The following GMPS variants were observed in gnomAD, a reference collection of about 807,000 sequenced individuals.
The protein encoded by GMPS is guanosine monophosphate synthase.
GMPS carries 15 observed loss-of-function variants against 77.9 expected under a neutral mutation model. That is an observed-to-expected ratio of 0.19 (90% CI 0.13 to 0.30). The LOEUF (loss-of-function observed/expected upper bound fraction) is 0.30, where lower values mean the gene tolerates loss of function less well. Among genes scored for constraint, GMPS ranks in the 10% least tolerant of loss-of-function variants. The pLI is 1.00. For missense variants in GMPS, 590 were observed against 838.8 expected (o/e 0.70, Z 3.66); for synonymous variants, 224 against 275.9 (o/e 0.81, Z 1.86).
chr3:155,883,646 A>T lies in GMPS; in HGVS notation c.28-9872A>T, dbSNP rs1434644192. Reference sequence around the variant, plus strand: ...TTTCATTTCTTCGCTTCTTTGCAAGATGCCTTTGGTTCTTCATGCAAACAG... The same window carrying T: ...TTTCATTTCTTCGCTTCTTTGCAAGTTGCCTTTGGTTCTTCATGCAAACAG... On this transcript the variant is annotated intron_variant, in intron 1 of 15. Transcript: ENST00000496455. 4.6e-5 allele frequency among the ~76,000 whole-genome samples: 7 copies of T among 152,196 alleles called. No homozygotes were observed. In the East Asian group the frequency reaches 1.2e-3, roughly 25 times the overall value.
chr3:155,879,730 C>CTTTTTTTTTT (rs58045835), intron 1 of GMPS, among the ~76,000 whole-genome samples: 2 of 107,634 alleles, frequency 1.9e-5, no homozygotes, highest in Non-Finnish European at 1.7e-5. Context: ...CTTTTTTGCC[C>CTTTTTTTTTT]TTTTTTTTTT....
rs1755815768 is a variant in GMPS at position 155,938,478 on chromosome 3, A to G, written c.*786A>G. ...CAGCCTTGCATAGAAAGTTTCTGTT[A>G]TCTCCTTAGAAGAAACTGGCTCAAT... On this transcript the variant is annotated 3_prime_UTR_variant, in exon 16 of 16. Coordinates refer to ENST00000496455, the MANE Select transcript of GMPS (RefSeq NM_003875.3). 2 of 211,010 alleles carry G rather than the reference A, an allele frequency of 9.5e-6. No individual in the cohort carries two copies. Among genetic ancestry groups the G allele is most frequent in the South Asian group, 1.9e-4 (1 of 5,356 alleles). 13.1% of individuals were successfully genotyped at this position (211,010 alleles called of 1,614,324 possible).
rs1258165954 is a variant in GMPS, at chr3:155,938,273, T to G, written c.*581T>G. On this transcript the variant is annotated 3_prime_UTR_variant, in exon 16 of 16. Coordinates refer to ENST00000496455, the MANE Select transcript of GMPS (RefSeq NM_003875.3). The stretch of plus-strand genomic sequence containing the variant: ...TGGAAAAGCACCAGGAATTTGTTGA[T>G]GTACTTTTGAATTTTATTTCACAGC... The G allele has an allele frequency of 4.5e-6, 1 of 220,224 alleles. No individual in the cohort carries two copies. The highest frequency in any genetic ancestry group is 9.1e-6 in the Non-Finnish European group (1 of 109,894). The allele number at this position is 220,224 out of a possible 1,614,324, so 13.6% of individuals were successfully genotyped here.
chr3:155,917,981 G>A (rs887854871), intron 9 of GMPS, among the ~76,000 whole-genome samples: 14 of 152,084 alleles, frequency 9.2e-5, no homozygotes, highest in African/African-American at 3.4e-4. Context: ...CCCAGAATTG[G>A]GATTGCTGGA....
At chr3:155,905,778 A>AT (rs1754867952) in intron 4 of GMPS, among the ~76,000 whole-genome samples, 1 of 152,218 alleles carries the variant, frequency 6.6e-6, no homozygotes, top group African/African-American at 2.4e-5. Context: ...TACTACTTAC[A>AT]TAAGACTACC....
chr3:155,920,070 A>G (rs1755279455), intron 10 of GMPS, among the ~76,000 whole-genome samples: 1 of 152,216 alleles, frequency 6.6e-6, no homozygotes, highest in African/African-American at 2.4e-5. Flanking sequence ...GCACTCTGCT[A>G]AATACATTTT....
chr3:155,916,155 A>G lies in GMPS; in HGVS notation c.1175A>G (p.His392Arg). 6.2e-7 allele frequency: 1 copy of G among 1,613,642 alleles called. No individual in the cohort carries two copies. Among genetic ancestry groups the G allele is most frequent in the Non-Finnish European group, 8.5e-7 (1 of 1,179,640 alleles). Residue 392 changes from histidine to arginine, a missense_variant, in exon 9 of 16, where the codon CAC becomes CGC. Transcript: ENST00000496455. The stretch of plus-strand genomic sequence containing the variant: ...AAAGCTGAACTCATCAAAACCCATC[A>G]CAATGACACAGAGCTCATCAGAAAG... ...SGKAELIKTH[H>R]NDTELIRKLR...
rs746246335 is a variant in GMPS at position 155,942,090 on chromosome 3, A to AGTTTT, written c.*4409_*4413dup. ...GAGGAGGTAGAACTCAAGCATTTAC[A>AGTTTT]GTTTTGTTTTGTTTTTTTTTTAAGA... is the stretch of plus-strand genomic sequence containing the variant. On this transcript the variant is annotated 3_prime_UTR_variant, in exon 16 of 16. Coordinates refer to ENST00000496455, the MANE Select transcript of GMPS (RefSeq NM_003875.3). The AGTTTT allele has an allele frequency of 5.1e-6, 1 of 196,860 alleles. No individual in the cohort carries two copies. The highest frequency in any genetic ancestry group is 2.3e-5 in the African/African-American group (1 of 43,084). 12.2% of individuals were successfully genotyped at this position (196,860 alleles called of 1,614,324 possible). A position where few individuals can be genotyped will look rare whatever the true frequency, so the allele number is the denominator to read the frequency against.
At chr3:155,914,838 G>A (rs187935231) in intron 8 of GMPS, among the ~76,000 whole-genome samples, 111 of 151,752 alleles carry the variant, frequency 7.3e-4, no homozygotes, top group Non-Finnish European at 1.1e-3. Context: ...GCACGATCTC[G>A]GCTCGCTGCA....
At position 155,893,637 on chromosome 3, in the gene GMPS, C is replaced by A; in HGVS notation, c.147C>A (p.Phe49Leu). Residue 49 changes from phenylalanine (F) to leucine (L), a missense_variant, in exon 2 of 16, where the codon TTC becomes TTA. Transcript: ENST00000496455. ...KVIDRRVREL[F>L]VQSEIFPLET... Reference sequence around the variant, plus strand: ...TAGACCGAAGAGTGAGGGAACTGTTCGTGCAGTCTGAAATTTTCCCCTTGG... The same window carrying A: ...TAGACCGAAGAGTGAGGGAACTGTTAGTGCAGTCTGAAATTTTCCCCTTGG... 1.9e-6 allele frequency: 3 copies of A among 1,611,838 alleles called. No homozygotes were observed. Among genetic ancestry groups the A allele is most frequent in the African/African-American group, 1.3e-5 (1 of 74,944 alleles).
chr3:155,897,449 A>AATG (rs755869458), intron 2 of GMPS, among the ~76,000 whole-genome samples: 1 of 152,148 alleles, frequency 6.6e-6, no homozygotes, highest in Non-Finnish European at 1.5e-5. Flanking sequence ...AAAGTTGGGT[A>AATG]ATGTATACTT....
At chr3:155,877,313 A>G (rs565438154) in intron 1 of GMPS, among the ~76,000 whole-genome samples, 1 of 152,324 alleles carries the variant, frequency 6.6e-6, no homozygotes, top group African/African-American at 2.4e-5. Flanking sequence ...GTCAACATCC[A>G]TGTCCTCAAT....
At chr3:155,881,587 G>C (rs969207178) in intron 1 of GMPS, among the ~76,000 whole-genome samples, 8 of 152,170 alleles carry the variant, frequency 5.3e-5, no homozygotes, top group Non-Finnish European at 1.2e-4. Context: ...TATTGCCACG[G>C]TAATGGTAAT....
chr3:155,935,597 C>G (rs1755747057), intron 14 of GMPS, among the ~76,000 whole-genome samples: 2 of 152,186 alleles, frequency 1.3e-5, no homozygotes, highest in African/African-American at 4.8e-5. Flanking sequence ...CTTAGATGTT[C>G]CCAGCTGAGT....
Position 155,942,101 on chromosome 3 carries a change from G to GTTT in GMPS, c.*4417_*4419dup. 2 of 183,672 alleles carry GTTT rather than the reference G, an allele frequency of 1.1e-5. No individual in the cohort carries two copies. Among genetic ancestry groups the GTTT allele is most frequent in the African/African-American group, 2.4e-5 (1 of 41,906 alleles). The allele number at this position is 183,672 out of a possible 1,614,324, so 11.4% of individuals were successfully genotyped here. ...ACTCAAGCATTTACAGTTTTGTTTTGTTTTTTTTTTAAGACAGAGTCTCGC... is the reference window on the plus strand; with the variant it reads ...ACTCAAGCATTTACAGTTTTGTTTTGTTTTTTTTTTTTTAAGACAGAGTCTCGC... On this transcript the variant is annotated 3_prime_UTR_variant, in exon 16 of 16. Coordinates refer to ENST00000496455, the MANE Select transcript of GMPS (RefSeq NM_003875.3).
chr3:155,941,457 G>A lies in GMPS; in HGVS notation c.*3765G>A. 1 of 200,704 alleles carries A rather than the reference G, an allele frequency of 5.0e-6. No homozygotes were observed. The highest frequency in any genetic ancestry group is 1.0e-5 in the Non-Finnish European group (1 of 98,040). 12.4% of individuals were successfully genotyped at this position (200,704 alleles called of 1,614,324 possible). ...GTGTAATTGACCATCAGGGATAAAT[G>A]GGCTTCAAAAGTGTTAATTGTCTCC... is the stretch of plus-strand genomic sequence containing the variant. On this transcript the variant is annotated 3_prime_UTR_variant, in exon 16 of 16. Transcript: ENST00000496455.
intron 10 of GMPS, among the ~76,000 whole-genome samples, chr3:155,919,890 C>G (rs560752231): frequency 6.6e-6 from 1 of 152,284 alleles, no homozygotes; most frequent in Non-Finnish European, 1.5e-5. Context: ...AAAGTTAGGA[C>G]TGCAAGTCTT....
intron 1 of GMPS, among the ~76,000 whole-genome samples, chr3:155,878,172 A>G (rs930415649): frequency 1.3e-5 from 2 of 152,056 alleles, no homozygotes; most frequent in African/African-American, 4.8e-5. Flanking sequence ...ATATTATCAC[A>G]TTGGTGATTA....
At chr3:155,909,204 C>T (rs973725403) in intron 5 of GMPS, among the ~76,000 whole-genome samples, 1 of 152,164 alleles carries the variant, frequency 6.6e-6, no homozygotes, top group African/African-American at 2.4e-5. Flanking sequence ...ATAGGAGTAA[C>T]ACATGCACAT....
Sources: allele counts gnomAD v4.1 joint callset (sites outside exome capture counted in the v4.1 genomes callset), GRCh38; gene constraint gnomAD v4.1.1; transcripts MANE v1.5; gene names NCBI Gene and HGNC (gene_info 2026-07-23, HGNC 2026-07-21).